Variants in SSC4D observed in about 807,000 individuals in gnomAD.
The protein encoded by SSC4D is scavenger receptor cysteine rich family member with 4 domains, also known as scavenger receptor cysteine-rich domain-containing group B protein.
A neutral mutation model predicts 63.4 loss-of-function variants in SSC4D; 57 were observed. The ratio of observed to expected loss-of-function variants is 0.90; its 90% CI spans 0.73 to 1.12. SSC4D has a LOEUF of 1.12. SSC4D is among the 50% of genes most tolerant of loss of function. The pLI is 0.00. For synonymous variants in SSC4D, 352 were observed against 345.4 expected, an observed-to-expected ratio of 1.02 and a Z score of -0.21; for missense variants, 791 against 806.4, an observed-to-expected ratio of 0.98 and a Z score of 0.23.
chr7:76,397,455 C>CA, intron 6 of SSC4D, 63 bp downstream of exon 6: 1 of 1,434,286 alleles, frequency 7.0e-7, no homozygotes, highest in Non-Finnish European at 9.1e-7. Context: ...CCTCCTCCTC[C>CA]AGCATTGCCA....
rs1291604618 is a variant in SSC4D, at chr7:76,395,303, A to C, written c.896T>G (p.Leu299Arg). The C allele has an allele frequency of 1.2e-6, 2 of 1,613,914 alleles. No individual in the cohort carries two copies. Among genetic ancestry groups the C allele is most frequent in the Admixed American group, 3.3e-5 (2 of 60,018 alleles). Residue 299 changes from leucine to arginine, a missense_variant, in exon 7 of 11, where the codon CTG becomes CGG. Transcript: ENST00000275560. ...AGLGPPTLTA[L>R]PSSATREDWA... ...GTCCTCTCTTGTGGCTGAGGATGGC[A>C]GTGCTGTGAGCGTTGGGGGACCCAG...
intron 1 of SSC4D, 74 bp from the exon 2 acceptor site, chr7:76,404,579 C>T: frequency 7.6e-7 from 1 of 1,322,470 alleles, no homozygotes; most frequent in Non-Finnish European, 1.1e-6. Context: ...ATTGCTTGCA[C>T]CCAGGGGTTT....
rs1346799063 is a variant in SSC4D at position 76,400,863 on chromosome 7, A to G, written c.169+145T>C. 12 of 1,226,804 alleles carry G rather than the reference A, an allele frequency of 9.8e-6. No individual in the cohort carries two copies. In the East Asian group the frequency reaches 2.8e-4, roughly 29 times the overall value. The allele number at this position is 1,226,804 out of a possible 1,614,324, so 76.0% of individuals were successfully genotyped here. On this transcript the variant is annotated intron_variant, in intron 3 of 10. Transcript: ENST00000275560. Reference sequence around the variant, plus strand: ...AACCTTGGGATCAATCCCTTCTGGAAAATGGGGAGACTACAGCTCCCCTGA... The same window carrying G: ...AACCTTGGGATCAATCCCTTCTGGAGAATGGGGAGACTACAGCTCCCCTGA...
At chr7:76,395,795 G>T (rs62476801) in intron 6 of SSC4D, among the ~76,000 whole-genome samples, 1 of 152,136 alleles carries the variant, frequency 6.6e-6, no homozygotes, top group Admixed American at 6.5e-5. Flanking sequence ...AGGTTCAAGC[G>T]ATTCCCCTGC....
chr7:76,398,383 C>T (rs1345630432), intron 5 of SSC4D, among the ~76,000 whole-genome samples: 1 of 150,588 alleles, frequency 6.6e-6, no homozygotes, highest in Non-Finnish European at 1.5e-5. Context: ...GATCTTACTG[C>T]AACCTCTGCC....
chr7:76,394,851 A>G (rs1473116946), intron 7 of SSC4D, among the ~76,000 whole-genome samples: 1 of 143,784 alleles, frequency 7.0e-6, no homozygotes, highest in Non-Finnish European at 1.5e-5. Context: ...TATAAGATAT[A>G]TATAATATAT....
intron 4 of SSC4D, among the ~76,000 whole-genome samples, chr7:76,399,249 G>T (rs1804737572): frequency 6.6e-6 from 1 of 152,096 alleles, no homozygotes; most frequent in African/African-American, 2.4e-5. Flanking sequence ...CTGACCTCAG[G>T]TGATACACCT....
At chr7:76,404,165 T>A in intron 2 of SSC4D, 142 bp downstream of exon 2, 1 of 1,260,776 alleles carries the variant, frequency 7.9e-7, no homozygotes, top group East Asian at 2.7e-5. Context: ...TTAGCTCTTT[T>A]GTCAACTCTG....
At position 76,401,017 on chromosome 7, in the gene SSC4D, G is replaced by A; in HGVS notation, c.160C>T (p.Pro54Ser). ...GGGGTGGGGCACCTACCTTGAAAGG[G>A]CAGTGGAGTGGGCTGTAGGGCGCTG... ...LASALQPTPL[P>S]FQELRLVGGP... The change falls in exon 3 of 11, where the codon CCC becomes TCC. Residue 54 changes from proline to serine, a missense_variant. Coordinates refer to ENST00000275560, the MANE Select transcript of SSC4D (RefSeq NM_080744.2). 1.3e-6 allele frequency: 2 copies of A among 1,550,480 alleles called. No individual in the cohort carries two copies. The highest frequency in any genetic ancestry group is 1.7e-6 in the Non-Finnish European group (2 of 1,146,424).
At chr7:76,392,320 G>T (rs555791172) in intron 9 of SSC4D, among the ~76,000 whole-genome samples, 2 of 152,010 alleles carry the variant, frequency 1.3e-5, no homozygotes, top group African/African-American at 2.4e-5. Context: ...AGGCCGAGGC[G>T]GGTGGATCAC....
At chr7:76,402,151 C>G (rs1450787489) in intron 2 of SSC4D, among the ~76,000 whole-genome samples, 1 of 151,076 alleles carries the variant, frequency 6.6e-6, no homozygotes, top group Non-Finnish European at 1.5e-5. Flanking sequence ...TCCAGAATAG[C>G]TGGGACAAGC....
rs1804454806 is a variant in SSC4D at position 76,389,902 on chromosome 7, C to T, written c.*157G>A. The T allele has an allele frequency of 1.1e-6, 1 of 899,120 alleles. No homozygotes were observed. 55.7% of individuals were successfully genotyped at this position (899,120 alleles called of 1,614,324 possible). A position where few individuals can be genotyped will look rare whatever the true frequency, so the allele number is the denominator to read the frequency against. Reference sequence around the variant, plus strand: ...GTAAGTGGACGGGGGTACAGCCAGGCTCCCCCAAGCAGGACTGCACTGTCT... The same window carrying T: ...GTAAGTGGACGGGGGTACAGCCAGGTTCCCCCAAGCAGGACTGCACTGTCT... On this transcript the variant is annotated 3_prime_UTR_variant, in exon 11 of 11. Coordinates refer to ENST00000275560, the MANE Select transcript of SSC4D (RefSeq NM_080744.2).
intron 2 of SSC4D, 96 bp from the exon 3 acceptor site, chr7:76,401,139 T>G (rs1337591698): frequency 1.4e-6 from 2 of 1,407,546 alleles, no homozygotes; most frequent in Non-Finnish European, 1.9e-6. Context: ...TCCTCAACAT[T>G]ACCCCCATCT....
At chr7:76,402,828 T>C (rs1406220701) in intron 2 of SSC4D, among the ~76,000 whole-genome samples, 1 of 151,914 alleles carries the variant, frequency 6.6e-6, no homozygotes, top group African/African-American at 2.4e-5. Context: ...CCACCATGCC[T>C]GGCTAATTTT....
chr7:76,394,445 G>C (rs112104845), intron 7 of SSC4D, among the ~76,000 whole-genome samples: 2,610 of 145,894 alleles, frequency 0.018, 47 homozygotes, highest in East Asian at 0.067. Flanking sequence ...GTTTCGCTCT[G>C]TCTCGCCCAG....
At chr7:76,404,687 T>C (rs1263029802) in intron 1 of SSC4D, among the ~76,000 whole-genome samples, 182 bp from the exon 2 acceptor site, 1 of 152,034 alleles carries the variant, frequency 6.6e-6, no homozygotes, top group Non-Finnish European at 1.5e-5. Context: ...TCCCAGCACT[T>C]TGGGAGGCTG....
At position 76,397,501 on chromosome 7, in the gene SSC4D, G is replaced by T. The variant is rs776336443; in HGVS notation, c.868+17C>A. ...CCCACCTGCCCCGGCCCCGCCCATC[G>T]CCCCTAGAGCCCGCACCTGCGCAGA... On this transcript the variant is annotated intron_variant, in intron 6 of 10. Coordinates refer to ENST00000275560, the MANE Select transcript of SSC4D (RefSeq NM_080744.2). 7.5e-6 allele frequency: 11 copies of T among 1,465,114 alleles called. No individual in the cohort carries two copies. The highest frequency in any genetic ancestry group is 9.9e-6 in the Non-Finnish European group (11 of 1,109,850). The allele number at this position is 1,465,114 out of a possible 1,614,324, so 90.8% of individuals were successfully genotyped here.
At chr7:76,394,016 C>G in intron 7 of SSC4D, 112 bp from the exon 8 acceptor site, 2 of 1,060,154 alleles carry the variant, frequency 1.9e-6, no homozygotes, top group South Asian at 3.2e-5. Context: ...CCCGTACCCC[C>G]ACTCAGCTGC....
At chr7:76,406,616 T>C (rs566097866) in intron 1 of SSC4D, among the ~76,000 whole-genome samples, 2 of 152,146 alleles carry the variant, frequency 1.3e-5, no homozygotes, top group African/African-American at 4.8e-5. Context: ...CCTGAGGAGC[T>C]GGAACTGCAG....
Sources: allele counts gnomAD v4.1 joint callset (sites outside exome capture counted in the v4.1 genomes callset), GRCh38; gene constraint gnomAD v4.1.1; transcripts MANE v1.5; gene names NCBI Gene and HGNC (gene_info 2026-07-23, HGNC 2026-07-21).